PFKFB3: variants seen among roughly 807,000 people sequenced by gnomAD.
PFKFB3 encodes 6-phosphofructo-2-kinase/fructose-2,6-biphosphatase 3.
In PFKFB3, 33 loss-of-function variants were observed where a neutral mutation model predicts 68.0. The observed-to-expected ratio is 0.49, with a 90% CI of 0.37 to 0.65. PFKFB3 has a LOEUF of 0.65. Ranked by LOEUF, PFKFB3 falls within the 30% of genes least tolerant of loss-of-function variation. The probability of loss-of-function intolerance (pLI) is 0.00; values close to 1 mark genes in which losing one functional copy is unlikely to be tolerated. For synonymous variants in PFKFB3, 315 were observed against 288.2 expected (o/e 1.09, Z -0.94); for missense variants, 586 against 712.2 (o/e 0.82, Z 2.02).
the PFKFB3 span, among the ~76,000 whole-genome samples, chr10:6,264,178 G>A: frequency 1.3e-5 from 2 of 152,022 alleles, no homozygotes; most frequent in African/African-American, 2.4e-5. Flanking sequence ...TAATCTAGAG[G>A]GACTGCTTCT....
intron 14 of PFKFB3, 185 bp downstream of exon 14, chr10:6,226,550 G>A (rs535381883): frequency 6.8e-6 from 4 of 585,756 alleles, no homozygotes; most frequent in Non-Finnish European, 1.2e-5. Flanking sequence ...CACGTGTTGA[G>A]GGAGAACATA....
intron 1 of PFKFB3, among the ~76,000 whole-genome samples, chr10:6,188,894 G>A (rs1388748866): frequency 3.4e-5 from 5 of 148,874 alleles, no homozygotes; most frequent in African/African-American, 1.2e-4. Flanking sequence ...GAGTGCAGTG[G>A]CGCGATCTCG....
At chr10:6,302,996 G>A in the PFKFB3 span, among the ~76,000 whole-genome samples, 1 of 152,186 alleles carries the variant, frequency 6.6e-6, no homozygotes, top group Non-Finnish European at 1.5e-5. Flanking sequence ...TAACACAGGA[G>A]CGGAGCAGAG....
chr10:6,273,745 TTGGAGACAGGCACA>T, the PFKFB3 span, among the ~76,000 whole-genome samples: 4 of 152,078 alleles, frequency 2.6e-5, no homozygotes, highest in African/African-American at 9.7e-5. Flanking sequence ...AAAGGGAAAT[TTGGAGACAGGCACA>T]TGCAGAGAGA....
chr10:6,246,149 GACACAGTGAATTTGCCATGTGACTT>G (rs1326158593), intron 14 of PFKFB3, among the ~76,000 whole-genome samples: 2 of 152,102 alleles, frequency 1.3e-5, no homozygotes, highest in Non-Finnish European at 2.9e-5. Flanking sequence ...GTCTCCCATT[GACACAGTGAATTTGCCATGTGACTT>G]GCACAGGGAA....
At chr10:6,161,167 C>G (rs377200315) in intron 1 of PFKFB3, among the ~76,000 whole-genome samples, 1 of 152,120 alleles carries the variant, frequency 6.6e-6, no homozygotes, top group Non-Finnish European at 1.5e-5. Context: ...AACTCCTGAC[C>G]TCAGATGGTT....
chr10:6,321,012 T>G, the PFKFB3 span, among the ~76,000 whole-genome samples: 2 of 152,202 alleles, frequency 1.3e-5, no homozygotes, highest in South Asian at 4.1e-4. Flanking sequence ...GATGCCTTTT[T>G]ACCCTGCAGT....
intron 1 of PFKFB3, among the ~76,000 whole-genome samples, chr10:6,188,224 A>G (rs977038639): frequency 2.6e-5 from 4 of 151,962 alleles, no homozygotes; most frequent in African/African-American, 9.7e-5. Context: ...CGAGCACAGT[A>G]TCATGATTGA....
chr10:6,252,570 C>T (rs7094936), intron 14 of PFKFB3, among the ~76,000 whole-genome samples: 33,411 of 152,000 alleles, frequency 0.22, 4,459 homozygotes, highest in African/African-American at 0.36. Context: ...ATATATAATA[C>T]GCACATTTAG....
chr10:6,224,155 G>A lies in PFKFB3; in HGVS notation c.1283G>A (p.Arg428His), dbSNP rs766986473. 2.0e-5 allele frequency: 33 copies of A among 1,614,040 alleles called. No homozygotes were observed. Among genetic ancestry groups the A allele is most frequent in the Middle Eastern group, 1.6e-4 (1 of 6,084 alleles). Reference sequence around the variant, plus strand: ...CCCATCCCACGCCCTCCAGGCTGCCGTGTGGAATCCATCTACCTGAACGTG... The same window carrying A: ...CCCATCCCACGCCCTCCAGGCTGCCATGTGGAATCCATCTACCTGAACGTG... ...LKLTPVAYGC[R>H]VESIYLNVES... Residue 428 changes from arginine to histidine, a missense_variant, in exon 13 of 15, where the codon CGT (arginine) becomes CAT (histidine). By Grantham distance (29) the Arg-to-His change is conservative. Coordinates refer to ENST00000379775, the MANE Select transcript of PFKFB3 (RefSeq NM_004566.4).
upstream of PFKFB3, among the ~76,000 whole-genome samples, chr10:6,201,074 G>A (rs1193631215): frequency 6.6e-6 from 1 of 152,180 alleles, no homozygotes; most frequent in Admixed American, 6.5e-5. This position sits in a 1 kb window ranked among gnomAD's most constrained non-coding sequence, Gnocchi z 4.1. Context: ...CAGGTGCACC[G>A]TCATTCCCCA....
intron 1 of PFKFB3, among the ~76,000 whole-genome samples, chr10:6,205,630 T>G (rs1843631568): frequency 6.6e-6 from 1 of 152,070 alleles, no homozygotes; most frequent in Non-Finnish European, 1.5e-5. Context: ...TGACCTCAAG[T>G]GATCCGCCCA....
At chr10:6,293,827 A>T in the PFKFB3 span, 1 of 404,512 alleles carries the variant, frequency 2.5e-6, no homozygotes, top group African/African-American at 2.1e-5. Flanking sequence ...GATTTGGAGT[A>T]CTTGGTTCCC....
chr10:6,187,913 ACCATTTGACT>A (rs2131811991), intron 1 of PFKFB3, among the ~76,000 whole-genome samples: 1 of 152,026 alleles, frequency 6.6e-6, no homozygotes, highest in Admixed American at 6.6e-5. Flanking sequence ...TGCAAGTGTT[ACCATTTGACT>A]CCTCTATCAT....
chr10:6,278,217 G>GC, the PFKFB3 span, among the ~76,000 whole-genome samples: 1 of 151,948 alleles, frequency 6.6e-6, no homozygotes, highest in Non-Finnish European at 1.5e-5. Context: ...TGCCCGGCTA[G>GC]TTTGTTCTTT....
At chr10:6,223,046 GTCAGCCGCAGACCTGC>G in intron 11 of PFKFB3, 62 bp downstream of exon 11, 1 of 1,541,182 alleles carries the variant, frequency 6.5e-7, no homozygotes, top group Middle Eastern at 1.9e-4. Context: ...TCGGCGGGGG[GTCAGCCGCAGACCTGC>G]CGTGGCCTGC....
At chr10:6,280,194 C>T in the PFKFB3 span, among the ~76,000 whole-genome samples, 36 of 152,366 alleles carry the variant, frequency 2.4e-4, no homozygotes, top group South Asian at 2.7e-3. Context: ...CTCACGTCTA[C>T]CAGGCAGAAG....
chr10:6,213,129 C>G (rs1844338909), intron 1 of PFKFB3, among the ~76,000 whole-genome samples: 1 of 152,156 alleles, frequency 6.6e-6, no homozygotes, highest in African/African-American at 2.4e-5. Context: ...CAAGTAGAAC[C>G]TAAAGGCAGG....
chr10:6,153,809 G>A (rs941558550), intron 1 of PFKFB3, among the ~76,000 whole-genome samples: 4 of 151,478 alleles, frequency 2.6e-5, no homozygotes, highest in South Asian at 2.1e-4. Flanking sequence ...AGCTGAGATC[G>A]CGCCACTGCA....
Sources: gnomAD v4.1 joint callset for allele counts (sites outside exome capture counted in the v4.1 genomes callset) on GRCh38, gnomAD v4.1.1 for gene constraint, Gnocchi (gnomAD v3.1) non-coding constraint, MANE v1.5 for transcripts, NCBI Gene and HGNC (gene_info 2026-07-23, HGNC 2026-07-21) for gene names.